The following TDRD3 variants were observed in gnomAD, a reference collection of about 807,000 sequenced individuals.
TDRD3 encodes tudor domain containing 3.
A neutral mutation model predicts 86.7 loss-of-function variants in TDRD3; 45 were observed. That is an observed-to-expected ratio of 0.52 (90% CI 0.41 to 0.67). TDRD3 has a LOEUF of 0.67. TDRD3 is among the 30% of genes least tolerant of loss of function. The pLI, the probability that TDRD3 is intolerant of heterozygous loss-of-function variation, is 0.00. For missense variants in TDRD3, 814 were observed against 889.0 expected, an observed-to-expected ratio of 0.92 and a Z score of 1.07; for synonymous variants, 298 against 301.7, an observed-to-expected ratio of 0.99 and a Z score of 0.13.
chr13:60,518,145 C>T (rs763176678), intron 10 of TDRD3, among the ~76,000 whole-genome samples: 1 of 152,194 alleles, frequency 6.6e-6, no homozygotes, highest in Non-Finnish European at 1.5e-5. Flanking sequence ...AAATATACTA[C>T]ACTGCTGCCT....
At chr13:60,523,259 A>G (rs902574295) in intron 10 of TDRD3, among the ~76,000 whole-genome samples, 2 of 152,206 alleles carry the variant, frequency 1.3e-5, no homozygotes, top group African/African-American at 4.8e-5. Flanking sequence ...GCAAAAAAGT[A>G]TTAATATTTT....
chr13:60,486,075 A>G (rs1012952395), intron 7 of TDRD3, 127 bp downstream of exon 7: 5 of 956,172 alleles, frequency 5.2e-6, no homozygotes, highest in East Asian at 3.2e-5. Context: ...TTCTTCTTGC[A>G]TATTCCATAA....
At chr13:60,430,478 T>G (rs990672345) in intron 1 of TDRD3, among the ~76,000 whole-genome samples, 4 of 152,164 alleles carry the variant, frequency 2.6e-5, no homozygotes, top group Admixed American at 2.0e-4. Flanking sequence ...AAATCTGATT[T>G]ATTAAAAAGT....
At chr13:60,455,112 C>T (rs1388485668) in intron 3 of TDRD3, among the ~76,000 whole-genome samples, 3 of 152,116 alleles carry the variant, frequency 2.0e-5, no homozygotes, top group African/African-American at 7.2e-5. Flanking sequence ...GGGGTTTCAC[C>T]ATGTTGGTCA....
At chr13:60,441,613 G>T (rs1955275710) in intron 2 of TDRD3, among the ~76,000 whole-genome samples, 1 of 151,832 alleles carries the variant, frequency 6.6e-6, no homozygotes, top group East Asian at 1.9e-4. Flanking sequence ...TTCAACTTTT[G>T]AGTGATTGTG....
At chr13:60,438,309 G>A (rs1955170862) in intron 1 of TDRD3, among the ~76,000 whole-genome samples, 1 of 151,980 alleles carries the variant, frequency 6.6e-6, no homozygotes, top group South Asian at 2.1e-4. Flanking sequence ...CATCAAAATT[G>A]ACTGCAGATA....
At chr13:60,492,076 T>C (rs1309728614) in intron 7 of TDRD3, among the ~76,000 whole-genome samples, 1 of 152,204 alleles carries the variant, frequency 6.6e-6, no homozygotes, top group East Asian at 1.9e-4. Flanking sequence ...GTGATGGTTC[T>C]AGATATTTAT....
chr13:60,544,195 T>A (rs1419286798), intron 12 of TDRD3, among the ~76,000 whole-genome samples: 2 of 151,954 alleles, frequency 1.3e-5, no homozygotes, highest in Non-Finnish European at 2.9e-5. Context: ...ATGCCTATAA[T>A]CCCAACACTT....
At chr13:60,497,406 A>G (rs551997077) in intron 8 of TDRD3, among the ~76,000 whole-genome samples, 1 of 152,010 alleles carries the variant, frequency 6.6e-6, no homozygotes, top group Non-Finnish European at 1.5e-5. Context: ...GTTTTTGCCT[A>G]ATTAGCATTT....
intron 4 of TDRD3, among the ~76,000 whole-genome samples, chr13:60,462,149 G>T (rs183631873): frequency 1.3e-5 from 2 of 152,178 alleles, no homozygotes; most frequent in South Asian, 4.1e-4. Context: ...AGTAGGATTC[G>T]TACTTTTGTG....
chr13:60,469,696 T>C (rs1334939089), intron 5 of TDRD3, among the ~76,000 whole-genome samples: 1 of 152,170 alleles, frequency 6.6e-6, no homozygotes, highest in African/African-American at 2.4e-5. Flanking sequence ...GGCAGTGATA[T>C]ACATAGAAAT....
chr13:60,502,650 T>C (rs1215202360), intron 8 of TDRD3, among the ~76,000 whole-genome samples: 1 of 152,152 alleles, frequency 6.6e-6, no homozygotes, highest in Non-Finnish European at 1.5e-5. Flanking sequence ...GGTGATCTTC[T>C]CCTCTAAAGG....
chr13:60,535,049 A>G, intron 11 of TDRD3, 59 bp from the exon 12 acceptor site: 1 of 1,585,732 alleles, frequency 6.3e-7, no homozygotes, highest in Non-Finnish European at 8.6e-7. Flanking sequence ...TTTCCCTCAA[A>G]TATTGCCCTT....
At chr13:60,450,989 C>T (rs1201643048) in intron 3 of TDRD3, among the ~76,000 whole-genome samples, 1 of 152,074 alleles carries the variant, frequency 6.6e-6, no homozygotes, top group African/African-American at 2.4e-5. Context: ...TACACACACA[C>T]TATATTTAAT....
chr13:60,537,712 C>G (rs941651224), intron 12 of TDRD3: 1 of 152,028 alleles, frequency 6.6e-6, no homozygotes, highest in African/African-American at 2.4e-5. Context: ...CACAATTACA[C>G]TATGGATTGT....
At chr13:60,531,853 ATGAC>A (rs889323697) in intron 11 of TDRD3, among the ~76,000 whole-genome samples, 5 of 152,200 alleles carry the variant, frequency 3.3e-5, no homozygotes, top group African/African-American at 7.2e-5. Flanking sequence ...GAATGAATGA[ATGAC>A]TATGAATGAT....
intron 8 of TDRD3, among the ~76,000 whole-genome samples, chr13:60,497,089 G>T (rs1956734007): frequency 6.6e-6 from 1 of 152,198 alleles, no homozygotes; most frequent in South Asian, 2.1e-4. Flanking sequence ...GCGGCAGCTG[G>T]CACCCCACTG....
At chr13:60,413,663 T>C (rs1954421755) in intron 1 of TDRD3, among the ~76,000 whole-genome samples, 1 of 152,204 alleles carries the variant, frequency 6.6e-6, no homozygotes, top group Non-Finnish European at 1.5e-5. Context: ...AATACATTCA[T>C]GTTACTTGCA....
chr13:60,453,098 A>G (rs564940193), intron 3 of TDRD3, among the ~76,000 whole-genome samples: 1 of 152,318 alleles, frequency 6.6e-6, no homozygotes, highest in East Asian at 1.9e-4. Context: ...GATATACCAA[A>G]GAAACTATGC....
Sources: gnomAD v4.1 joint callset for allele counts (sites outside exome capture counted in the v4.1 genomes callset) on GRCh38, gnomAD v4.1.1 for gene constraint, MANE v1.5 for transcripts, NCBI Gene and HGNC (gene_info 2026-07-23, HGNC 2026-07-21) for gene names.